INPP1: variants seen among roughly 807,000 people sequenced by gnomAD.
INPP1 encodes inositol polyphosphate-1-phosphatase, also known as inositol polyphosphate 1-phosphatase.
Under a neutral mutation model 23.0 loss-of-function variants are expected in INPP1, and 18 were observed. That is an observed-to-expected ratio of 0.78 (90% CI 0.54 to 1.16). The LOEUF (loss-of-function observed/expected upper bound fraction) is 1.16. Among genes scored for constraint, INPP1 ranks in the 50% most tolerant of loss-of-function variants. The probability of loss-of-function intolerance (pLI) is 0.00; values close to 1 mark genes in which losing one functional copy is unlikely to be tolerated. For synonymous variants in INPP1, 164 were observed against 176.3 expected (o/e 0.93, Z 0.55); for missense variants, 448 against 482.1 (o/e 0.93, Z 0.66).
Position 190,367,081 on chromosome 2 carries a change from A to G in INPP1, c.466+186A>G, listed in dbSNP as rs1689694964. 6.6e-6 allele frequency among the ~76,000 whole-genome samples: 1 copy of G among 152,176 alleles called. No homozygotes were observed. The highest frequency in any genetic ancestry group is 6.5e-5 in the Admixed American group (1 of 15,276). On this transcript the variant is annotated intron_variant, in intron 5 of 6. Transcript: ENST00000392329. The surrounding 1 kb of genome is among the most constrained non-coding windows in gnomAD (Gnocchi z 4.1). The stretch of plus-strand genomic sequence containing the variant: ...TGTCATGTGTTCTGTATATATACAT[A>G]TATATTATAGCCGTGTGTATATATA...
rs1159973951 is a variant in INPP1 at position 190,366,719 on chromosome 2, G to A, written c.290G>A (p.Cys97Tyr). The change falls in exon 5 of 7, where the codon TGT becomes TAT. Residue 97 changes from cysteine (C) to tyrosine (Y), a missense_variant. Coordinates refer to ENST00000392329, the MANE Select transcript of INPP1 (RefSeq NM_001128928.2). ...GGGGAAAAGATTACCTTGAGGTTGT[G>A]TTCAACAGAGGAGGAAACAGCAGAG... ...DWGEKITLRL[C>Y]STEEETAELL... is the part of the protein sequence containing the mutation. 3.1e-6 allele frequency: 5 copies of A among 1,613,182 alleles called. No individual in the cohort carries two copies. The highest frequency in any genetic ancestry group is 2.2e-5 in the East Asian group (1 of 44,872).
At position 190,360,206 on chromosome 2, in the gene INPP1, A is replaced by T; in HGVS notation, c.104A>T (p.Glu35Val). The T allele has an allele frequency of 1.2e-6, 2 of 1,614,238 alleles. No homozygotes were observed. Among genetic ancestry groups the T allele is most frequent in the Non-Finnish European group, 8.5e-7 (1 of 1,180,048 alleles). The stretch of plus-strand genomic sequence containing the variant: ...GCCCTCTTCCAGCTGCTGATCGAAG[A>T]AAAGAAAGAGGGAGAAAAGAACAAG... ...QEALFQLLIE[E>V]KKEGEKNKKF... The change falls in exon 3 of 7, where the codon GAA (glutamate) becomes GTA (valine). Residue 35 changes from glutamate (E) to valine (V), a missense_variant. Coordinates refer to ENST00000392329, the MANE Select transcript of INPP1 (RefSeq NM_001128928.2).
rs1259587826 is a variant in INPP1, at chr2:190,352,392, A to G, written c.-65+3361A>G. 1.3e-5 allele frequency among the ~76,000 whole-genome samples: 2 copies of G among 152,224 alleles called. No homozygotes were observed. The highest frequency in any genetic ancestry group is 1.5e-5 in the Non-Finnish European group (1 of 68,040). On this transcript the variant is annotated intron_variant, in intron 2 of 6. Coordinates refer to ENST00000392329, the MANE Select transcript of INPP1 (RefSeq NM_001128928.2). The surrounding 1 kb of genome is among the most constrained non-coding windows in gnomAD (Gnocchi z 4.7). ...ACTGTAATATTTATTGGATCCTGAG[A>G]AATGTTTGACAGTCAAATATCTGAA... is the stretch of plus-strand genomic sequence containing the variant.
At chr2:190,349,675 C>G (rs888796793) in intron 2 of INPP1, among the ~76,000 whole-genome samples, 1 of 152,058 alleles carries the variant, frequency 6.6e-6, no homozygotes, top group Non-Finnish European at 1.5e-5. Context: ...TTTGTGGCAA[C>G]AGGGTTCTAA....
rs1333558271 is a variant in INPP1, at chr2:190,363,548, C to T, written c.265+861C>T. 6.6e-6 allele frequency among the ~76,000 whole-genome samples: 1 copy of T among 151,840 alleles called. No individual in the cohort carries two copies. The highest frequency in any genetic ancestry group is 1.9e-4 in the East Asian group (1 of 5,188). On this transcript the variant is annotated intron_variant, in intron 4 of 6. Transcript: ENST00000392329. The surrounding 1 kb of genome is among the most constrained non-coding windows in gnomAD (Gnocchi z 4.4). ...AATAGTAGAAGAATAAAATAGTGAACATTAAATACTGATCATGTGACAAAT... is the reference window on the plus strand; with the variant it reads ...AATAGTAGAAGAATAAAATAGTGAATATTAAATACTGATCATGTGACAAAT...
intron 3 of INPP1, among the ~76,000 whole-genome samples, chr2:190,360,544 A>G (rs1559082976): frequency 6.6e-6 from 1 of 152,186 alleles, no homozygotes; most frequent in Non-Finnish European, 1.5e-5. Context: ...TCACAATTCT[A>G]ATACCTAGAA....
At chr2:190,366,169 CTT>C (rs1343160815) in intron 4 of INPP1, among the ~76,000 whole-genome samples, 2 of 86,866 alleles carry the variant, frequency 2.3e-5, no homozygotes, top group Non-Finnish European at 4.4e-5. Flanking sequence ...CTCTCTCGCT[CTT>C]TGTCTCTTGC....
Position 190,371,021 on chromosome 2 carries a change from A to C in INPP1, c.819A>C (p.Lys273Asn). The change falls in exon 7 of 7, where the codon AAA becomes AAC. Residue 273 changes from lysine (K) to asparagine (N), a missense_variant. Transcript: ENST00000392329. The surrounding 1 kb of genome is among the most constrained non-coding windows in gnomAD (Gnocchi z 5.3). ...GTACAAGTGAAAAGGAGACTATCAA[A>C]GCTGCATTGTCACGTGTGTGTGGAG... Reference protein sequence around the residue: ...VISTSEKETIKAALSRVCGDR... With the variant: ...VISTSEKETINAALSRVCGDR... 1 of 1,614,198 alleles carries C rather than the reference A, an allele frequency of 6.2e-7. No individual in the cohort carries two copies. The highest frequency in any genetic ancestry group is 8.5e-7 in the Non-Finnish European group (1 of 1,180,038).
chr2:190,359,889 G>A, intron 2 of INPP1, 150 bp from the exon 3 acceptor site: 1 of 527,260 alleles, frequency 1.9e-6, no homozygotes, highest in Non-Finnish European at 3.4e-6. Context: ...TGTATCTAGA[G>A]TCTTCCACAC....
At chr2:190,347,136 C>T (rs1427135622) in intron 1 of INPP1, among the ~76,000 whole-genome samples, 1 of 151,374 alleles carries the variant, frequency 6.6e-6, no homozygotes, top group Non-Finnish European at 1.5e-5. Flanking sequence ...CTCAGCCTCC[C>T]GAGTAGCTGG....
chr2:190,369,337 T>A, intron 6 of INPP1, 60 bp downstream of exon 6: 1 of 924,436 alleles, frequency 1.1e-6, no homozygotes, highest in Non-Finnish European at 1.7e-6. Flanking sequence ...TCAGCTTTGC[T>A]TGTTGTTAGG....
chr2:190,358,578 G>A (rs1689472345), intron 2 of INPP1, among the ~76,000 whole-genome samples: 1 of 152,214 alleles, frequency 6.6e-6, no homozygotes, highest in Admixed American at 6.5e-5. Context: ...GCCTGGGCTT[G>A]TGTGCAGGAG....
At chr2:190,349,549 T>G (rs1396456414) in intron 2 of INPP1, among the ~76,000 whole-genome samples, 1 of 152,266 alleles carries the variant, frequency 6.6e-6, no homozygotes, top group Non-Finnish European at 1.5e-5. Context: ...CTGACCCTTT[T>G]TTCTGCCTTG....
chr2:190,358,913 C>CT (rs1353593919), intron 2 of INPP1, among the ~76,000 whole-genome samples: 4 of 151,884 alleles, frequency 2.6e-5, no homozygotes, highest in South Asian at 2.1e-4. Flanking sequence ...GATAGTGGGA[C>CT]TTTTTTTTAA....
At position 190,363,847 on chromosome 2, in the gene INPP1, C is replaced by G. The variant is rs1466039126; in HGVS notation, c.265+1160C>G. Among the ~76,000 whole-genome samples the G allele has an allele frequency of 6.6e-6, 1 of 152,130 alleles. No homozygotes were observed. The highest frequency in any genetic ancestry group is 1.5e-5 in the Non-Finnish European group (1 of 68,026). ...AGAATTATAGAGGCAAAAGGCATAG[C>G]CACATCCATTTTCCTGTTTGTTAAA... On this transcript the variant is annotated intron_variant, in intron 4 of 6. Coordinates refer to ENST00000392329, the MANE Select transcript of INPP1 (RefSeq NM_001128928.2). The surrounding 1 kb of genome is among the most constrained non-coding windows in gnomAD (Gnocchi z 4.4).
At chr2:190,351,070 G>A (rs1328141324) in intron 2 of INPP1, among the ~76,000 whole-genome samples, 2 of 152,236 alleles carry the variant, frequency 1.3e-5, no homozygotes. Context: ...AAAGCTAAGG[G>A]AAAATTCATC....
intron 2 of INPP1, among the ~76,000 whole-genome samples, chr2:190,358,848 A>C (rs1383017590): frequency 6.6e-6 from 1 of 152,224 alleles, no homozygotes; most frequent in African/African-American, 2.4e-5. Context: ...AAGTCTCAAC[A>C]AGTTGCATGT....
Position 190,346,269 on chromosome 2 carries a change from T to A in INPP1, c.-209+2308T>A, listed in dbSNP as rs1422540933. Among the ~76,000 whole-genome samples the A allele has an allele frequency of 6.6e-6, 1 of 151,892 alleles. No homozygotes were observed. The highest frequency in any genetic ancestry group is 1.5e-5 in the Non-Finnish European group (1 of 67,976). ...AGTCAACAACAACAAAAAAGGTGAG[T>A]TTGGGAAATGCAGGTGGGAAATGAC... On this transcript the variant is annotated intron_variant, in intron 1 of 6. Transcript: ENST00000392329. The surrounding 1 kb of genome is among the most constrained non-coding windows in gnomAD (Gnocchi z 5.1).
intron 1 of INPP1, among the ~76,000 whole-genome samples, chr2:190,344,560 A>G (rs1689180529): frequency 6.6e-6 from 1 of 152,202 alleles, no homozygotes. Flanking sequence ...TGCATTTTGA[A>G]AGGTGGTTTT....
Sources: gnomAD v4.1 joint callset for allele counts (sites outside exome capture counted in the v4.1 genomes callset) on GRCh38, gnomAD v4.1.1 for gene constraint, Gnocchi (gnomAD v3.1) non-coding constraint, MANE v1.5 for transcripts, NCBI Gene and HGNC (gene_info 2026-07-23, HGNC 2026-07-21) for gene names.